KCNQ3: variants seen among roughly 807,000 people sequenced by gnomAD.
KCNQ3 encodes potassium voltage-gated channel subfamily KQT member 3.
A neutral mutation model predicts 92.5 loss-of-function variants in KCNQ3; 30 were observed. That is an observed-to-expected ratio of 0.32 (90% CI 0.24 to 0.44). KCNQ3 has a LOEUF of 0.44. Ranked by LOEUF, KCNQ3 falls within the 20% of genes least tolerant of loss-of-function variation. The pLI, the probability that KCNQ3 is intolerant of heterozygous loss-of-function variation, is 1.00. For synonymous variants in KCNQ3, 450 were observed against 468.8 expected (o/e 0.96, Z 0.52); for missense variants, 913 against 1,140.3 (o/e 0.80, Z 2.87).
At chr8:132,204,789 T>C (rs930602366) in intron 1 of KCNQ3, among the ~76,000 whole-genome samples, 3 of 152,222 alleles carry the variant, frequency 2.0e-5, no homozygotes, top group Non-Finnish European at 4.4e-5. Flanking sequence ...AATGACATTG[T>C]AGATATTTAC....
chr8:132,136,118 CAAAAAAAAAAAAAAAA>C (rs67331428), intron 12 of KCNQ3, among the ~76,000 whole-genome samples: 3 of 40,018 alleles, frequency 7.5e-5, no homozygotes, highest in African/African-American at 3.7e-4. Flanking sequence ...GACTCCATCT[CAAAAAAAAAAAAAAAA>C]AAAAAAAAAA....
chr8:132,329,398 C>T (rs1389221312), intron 1 of KCNQ3, among the ~76,000 whole-genome samples: 6 of 152,226 alleles, frequency 3.9e-5, no homozygotes, highest in Admixed American at 3.3e-4. Flanking sequence ...GCAGCTCCAA[C>T]CAAGTCCTGG....
intron 1 of KCNQ3, among the ~76,000 whole-genome samples, chr8:132,353,070 C>CA (rs1727253013): frequency 6.6e-6 from 1 of 152,196 alleles, no homozygotes; most frequent in Middle Eastern, 3.4e-3. Context: ...ACTGAAAATA[C>CA]AAAAAATGAG....
At position 132,239,574 on chromosome 8, in the gene KCNQ3, C is replaced by T. The variant is rs577860619; in HGVS notation, c.387-53393G>A. Among the ~76,000 whole-genome samples the T allele has an allele frequency of 1.3e-4, 20 of 152,316 alleles. 1 individual carries two copies. The highest frequency in any genetic ancestry group is 4.6e-4 in the African/African-American group (19 of 41,572). The stretch of plus-strand genomic sequence containing the variant: ...TGTTAACGTTGAAACCAACAGACTG[C>T]AAAACCTGGAAGATCACGCCCATGC... On this transcript the variant is annotated intron_variant, in intron 1 of 14. Coordinates refer to ENST00000388996, the MANE Select transcript of KCNQ3 (RefSeq NM_004519.4).
intron 1 of KCNQ3, among the ~76,000 whole-genome samples, chr8:132,416,443 C>T (rs1367073149): frequency 6.6e-6 from 1 of 152,044 alleles, no homozygotes; most frequent in Non-Finnish European, 1.5e-5. Flanking sequence ...GCTTGGCCAA[C>T]ATGGTGAAAC....
intron 1 of KCNQ3, among the ~76,000 whole-genome samples, chr8:132,422,552 G>A (rs905352348): frequency 2.0e-5 from 3 of 152,100 alleles, no homozygotes; most frequent in African/African-American, 7.2e-5. Context: ...CCTGGAACAC[G>A]CAAGCTTTCC....
intron 1 of KCNQ3, among the ~76,000 whole-genome samples, chr8:132,323,991 C>T (rs1817969064): frequency 1.3e-5 from 2 of 152,218 alleles, no homozygotes; most frequent in South Asian, 4.1e-4. Flanking sequence ...GCTACTTCTA[C>T]ATCAGCAGTG....
In KCNQ3 at chr8:132,277,848, C is replaced by T. The variant is rs907409185; in HGVS notation, c.387-91667G>A. On this transcript the variant is annotated intron_variant, in intron 1 of 14. Transcript: ENST00000388996. ...TAGACTGAATCTTGCTCTCTAGAAA[C>T]CAGGTTGTTGGAAGGTTTTTTCTTC... 1.2e-5 allele frequency: 8 copies of T among 683,228 alleles called. No homozygotes were observed. In the African/African-American group the frequency reaches 1.4e-4, roughly 12 times the overall value. The allele number at this position is 683,228 out of a possible 1,614,324, so 42.3% of individuals were successfully genotyped here.
intron 9 of KCNQ3, among the ~76,000 whole-genome samples, chr8:132,150,128 T>A (rs1825591438): frequency 6.6e-6 from 1 of 151,972 alleles, no homozygotes; most frequent in Admixed American, 6.6e-5. Flanking sequence ...ATGATGGGGA[T>A]CACTGTATTT....
chr8:132,220,124 A>C (rs1283312572), intron 1 of KCNQ3, among the ~76,000 whole-genome samples: 3 of 152,148 alleles, frequency 2.0e-5, no homozygotes, highest in Non-Finnish European at 2.9e-5. Context: ...GGCAGAGAGC[A>C]AAGTACTCAT....
chr8:132,238,922 AC>A (rs1814902646), intron 1 of KCNQ3, among the ~76,000 whole-genome samples: 1 of 152,216 alleles, frequency 6.6e-6, no homozygotes, highest in South Asian at 2.1e-4. Context: ...TGAGAAGGCT[AC>A]CCTGTAAGTG....
At position 132,479,949 on chromosome 8, in the gene KCNQ3, AACACACAC is replaced by A. The variant is rs371967111; in HGVS notation, c.386+190_386+197del. ...TAGTGTGGAACACCCGGAGAGCGGC[AACACACAC>A]ACACACACACACACACACACACACA... On this transcript the variant is annotated intron_variant, in intron 1 of 14. Transcript: ENST00000388996. Among the ~76,000 whole-genome samples the A allele has an allele frequency of 0.11, 15,130 of 137,096 alleles. 1,012 individuals are homozygous for A. The highest frequency in any genetic ancestry group is 0.2 in the African/African-American group (7,571 of 36,976). The allele number at this position is 137,096 out of a possible 152,430, so 89.9% of individuals were successfully genotyped here.
At chr8:132,384,330 T>C (rs1819837201) in intron 1 of KCNQ3, among the ~76,000 whole-genome samples, 1 of 152,204 alleles carries the variant, frequency 6.6e-6, no homozygotes. Context: ...AAAGGATGAA[T>C]GAGCGATTTC....
Position 132,277,148 on chromosome 8 carries a change from T to G in KCNQ3, c.387-90967A>C, listed in dbSNP as rs184867447. Among the ~76,000 whole-genome samples, 724 of 152,286 alleles carry G rather than the reference T, an allele frequency of 4.8e-3. 6 individuals carry two copies. The highest frequency in any genetic ancestry group is 0.017 in the African/African-American group (701 of 41,560). On this transcript the variant is annotated intron_variant, in intron 1 of 14. Coordinates refer to ENST00000388996, the MANE Select transcript of KCNQ3 (RefSeq NM_004519.4). ...ACTATATACTTACCACTTTTGTGTT[T>G]TCTATTCTAAGTTGAAAATCTACAA... is the stretch of plus-strand genomic sequence containing the variant.
intron 1 of KCNQ3, among the ~76,000 whole-genome samples, chr8:132,361,120 T>C (rs937833788): frequency 7.2e-5 from 11 of 152,186 alleles, no homozygotes; most frequent in African/African-American, 2.7e-4. Flanking sequence ...CTGAGGTACA[T>C]ATCAATGAGG....
intron 9 of KCNQ3, among the ~76,000 whole-genome samples, chr8:132,154,033 T>C (rs1293026657): frequency 2.0e-5 from 3 of 151,854 alleles, no homozygotes; most frequent in Non-Finnish European, 4.4e-5. Flanking sequence ...TGTCCTCTCT[T>C]CATTGATAGG....
At chr8:132,232,499 C>A (rs987274454) in intron 1 of KCNQ3, among the ~76,000 whole-genome samples, 3 of 152,136 alleles carry the variant, frequency 2.0e-5, no homozygotes, top group African/African-American at 7.2e-5. Flanking sequence ...TAATGTGGAC[C>A]CAAAGAATAA....
At chr8:132,241,624 A>C (rs1005886311) in intron 1 of KCNQ3, among the ~76,000 whole-genome samples, 1 of 152,170 alleles carries the variant, frequency 6.6e-6, no homozygotes, top group African/African-American at 2.4e-5. Flanking sequence ...ATCTGAGGTC[A>C]GGAGTTCAAC....
At chr8:132,330,838 C>A (rs1432988833) in intron 1 of KCNQ3, among the ~76,000 whole-genome samples, 1 of 152,180 alleles carries the variant, frequency 6.6e-6, no homozygotes, top group Non-Finnish European at 1.5e-5. Context: ...CCACACTGGG[C>A]AGTCTGTCAG....
Sources: gnomAD v4.1 joint callset for allele counts (sites outside exome capture counted in the v4.1 genomes callset) on GRCh38, gnomAD v4.1.1 for gene constraint, MANE v1.5 for transcripts, NCBI Gene and HGNC (gene_info 2026-07-23, HGNC 2026-07-21) for gene names.